GNAS: variants seen among roughly 807,000 people sequenced by gnomAD.
GNAS encodes the protein GNAS complex locus.
Under a neutral mutation model 54.5 loss-of-function variants are expected in GNAS, and 8 were observed. That is an observed-to-expected ratio of 0.15 (90% confidence interval 0.09 to 0.26). The LOEUF (loss-of-function observed/expected upper bound fraction) is 0.26. Among genes scored for constraint, GNAS ranks in the 10% least tolerant of loss-of-function variants. The probability of loss-of-function intolerance (pLI) is 1.00; values close to 1 mark genes in which losing one functional copy is unlikely to be tolerated. For synonymous variants in GNAS, 204 were observed against 191.4 expected (o/e 1.07, Z -0.54); for missense variants, 170 against 529.8 (o/e 0.32, Z 6.67).
chr20:58,853,232 C>T lies in GNAS; in HGVS notation c.43+12346C>T. ...CGGTTGGGTGCTCCATCTTACGGAG[C>T]CCCAAACTTATTTTGAGAGGCCGCC... On this transcript the variant is annotated intron_variant, in intron 1 of 12. Transcript: ENST00000306090. The surrounding 1 kb of genome is among the most constrained non-coding windows in gnomAD (Gnocchi z 4.4). 2 of 1,516,394 alleles carry T rather than the reference C, an allele frequency of 1.3e-6. No individual in the cohort carries two copies. The highest frequency in any genetic ancestry group is 1.4e-5 in the African/African-American group (1 of 71,666). 93.9% of individuals were successfully genotyped at this position (1,516,394 alleles called of 1,614,324 possible).
chr20:58,842,062 G>GGAGGC (rs955646200), intron 1 of GNAS: 57 of 456,494 alleles, frequency 1.2e-4, no homozygotes, highest in Non-Finnish European at 1.8e-4. Flanking sequence ...CTTGGGGAGG[G>GGAGGC]GAGGCGAGGC....
At chr20:58,842,220 G>A (rs376640570) in intron 1 of GNAS, 1 of 398,428 alleles carries the variant, frequency 2.5e-6, no homozygotes, top group East Asian at 3.6e-5. Context: ...GCCAGTCCTG[G>A]GGGGAAAGAC....
At chr20:58,901,270 T>C (rs1203115521) in intron 3 of GNAS, among the ~76,000 whole-genome samples, 5 of 152,174 alleles carry the variant, frequency 3.3e-5, no homozygotes, top group Non-Finnish European at 5.9e-5. Flanking sequence ...TTATAACATC[T>C]AAATAATCGA....
At chr20:58,884,774 TTAAA>T (rs2088476154) in intron 1 of GNAS, 1 of 152,232 alleles carries the variant, frequency 6.6e-6, no homozygotes, top group Admixed American at 6.5e-5. Flanking sequence ...GGCAAAACTC[TTAAA>T]TATTTTTTTC....
In GNAS at chr20:58,853,156, C is replaced by T. The variant is rs937298477; in HGVS notation, c.43+12270C>T. 7.0e-7 allele frequency: 1 copy of T among 1,437,564 alleles called. No homozygotes were observed. The highest frequency in any genetic ancestry group is 9.1e-7 in the Non-Finnish European group (1 of 1,099,570). The allele number at this position is 1,437,564 out of a possible 1,614,324, so 89.1% of individuals were successfully genotyped here. On this transcript the variant is annotated intron_variant, in intron 1 of 12. Transcript: ENST00000306090. The surrounding 1 kb of genome is among the most constrained non-coding windows in gnomAD (Gnocchi z 4.4). ...TGGAAAGTGAGGCCGGTGAACTTTC[C>T]AGCTGGTACTTTGATTTTAAAATAA...
At position 58,891,609 on chromosome 20, in the gene GNAS, G is replaced by A. The variant is rs1600971205; in HGVS notation, c.-118G>A. The A allele has an allele frequency of 2.1e-6, 2 of 970,688 alleles. No homozygotes were observed. Among genetic ancestry groups the A allele is most frequent in the Non-Finnish European group, 2.4e-6 (2 of 822,598 alleles). 60.1% of individuals were successfully genotyped at this position (970,688 alleles called of 1,614,324 possible). ...CGCCCCGCGCGCTCCTTGCCGAGGA[G>A]CCGAGCCCGCGCCCGGCCCGCCCGC... On this transcript the variant is annotated 5_prime_UTR_variant, in exon 1 of 13. Coordinates refer to ENST00000371085, the MANE Select transcript of GNAS (RefSeq NM_000516.7).
intron 1 of GNAS, among the ~76,000 whole-genome samples, chr20:58,871,779 AAAAAG>A (rs1449750543): frequency 1.3e-5 from 2 of 152,058 alleles, no homozygotes; most frequent in Non-Finnish European, 2.9e-5. Flanking sequence ...GAAGAAAAGA[AAAAAG>A]AAAAGAGTGC....
chr20:58,894,344 T>C (rs2089832437), intron 1 of GNAS, among the ~76,000 whole-genome samples: 1 of 152,228 alleles, frequency 6.6e-6, no homozygotes, highest in Non-Finnish European at 1.5e-5. Context: ...TATTTTTAAT[T>C]TACCAGAGTT....
chr20:58,894,079 T>C (rs2089798863), intron 1 of GNAS, among the ~76,000 whole-genome samples: 1 of 152,244 alleles, frequency 6.6e-6, no homozygotes, highest in African/African-American at 2.4e-5. Context: ...AGAGGAAACC[T>C]AATAATGCCC....
At chr20:58,892,525 G>T (rs368144636) in intron 1 of GNAS, 1 of 143,526 alleles carries the variant, frequency 7.0e-6, no homozygotes, top group African/African-American at 2.6e-5. Flanking sequence ...GGTGCAGTGG[G>T]GGGGAGGGGG....
At position 58,873,038 on chromosome 20, in the gene GNAS, CAGG is replaced by C. The variant is rs2087571922; in HGVS notation, c.44-22568_44-22566del. Among the ~76,000 whole-genome samples, 1 of 152,212 alleles carries C rather than the reference CAGG, an allele frequency of 6.6e-6. No individual in the cohort carries two copies. The highest frequency in any genetic ancestry group is 6.5e-5 in the Admixed American group (1 of 15,288). On this transcript the variant is annotated intron_variant, in intron 1 of 12. Coordinates refer to the GNAS transcript ENST00000306090. This position sits in a 1 kb window ranked among gnomAD's most constrained non-coding sequence, Gnocchi z 4.3. ...TCTCAAGGCGTTAGCCTCATCCCAT[CAGG>C]AGGAGTTCAGACTCTCCCCAAGCAC...
Position 58,909,302 on chromosome 20 carries a change from T to C in GNAS, c.586-48T>C, listed in dbSNP as rs1481198470. The C allele has an allele frequency of 4.4e-6, 7 of 1,587,212 alleles. 1 individual carries two copies. The highest frequency in any genetic ancestry group is 5.2e-6 in the Non-Finnish European group (6 of 1,155,538). ...TTTGCTTTAGATTGGCAATTATTACTGTTTCGGTTGGCTTTGGTGAGATCC... is the reference window on the plus strand; with the variant it reads ...TTTGCTTTAGATTGGCAATTATTACCGTTTCGGTTGGCTTTGGTGAGATCC... On this transcript the variant is annotated intron_variant, in intron 7 of 12. Transcript: ENST00000371085. The surrounding 1 kb of genome is among the most constrained non-coding windows in gnomAD (Gnocchi z 7.3).
chr20:58,867,949 C>T (rs890089011), intron 1 of GNAS, among the ~76,000 whole-genome samples: 1 of 151,970 alleles, frequency 6.6e-6, no homozygotes, highest in African/African-American at 2.4e-5. Context: ...ATCCAAAAGG[C>T]TTGCAGGCAT....
rs1848499120 is a variant in GNAS, at chr20:58,841,021, G to A, written c.43+135G>A. On this transcript the variant is annotated intron_variant, in intron 1 of 12. Coordinates refer to the GNAS transcript ENST00000306090. This position sits in a 1 kb window ranked among gnomAD's most constrained non-coding sequence, Gnocchi z 5.0. ...GCTCAGCTGGTCAGCCTGGGATCGG[G>A]GGTCAGGGTGAGGCGGCGAGGGCTC... The A allele has an allele frequency of 2.9e-6, 3 of 1,040,418 alleles. No homozygotes were observed. The highest frequency in any genetic ancestry group is 4.2e-6 in the Non-Finnish European group (3 of 711,128). The allele number at this position is 1,040,418 out of a possible 1,614,324, so 64.4% of individuals were successfully genotyped here.
In GNAS at chr20:58,853,679, C is replaced by A; in HGVS notation, c.43+12793C>A. ...GCCTTGAGGCCTTCGGCCCAGCACT[C>A]ATGGAGCCCGGAGCCTTCAGTGGTG... On this transcript the variant is annotated intron_variant, in intron 1 of 12. Transcript: ENST00000306090. This position sits in a 1 kb window ranked among gnomAD's most constrained non-coding sequence, Gnocchi z 4.4. 4 of 1,613,688 alleles carry A rather than the reference C, an allele frequency of 2.5e-6. No homozygotes were observed. The highest frequency in any genetic ancestry group is 3.4e-6 in the Non-Finnish European group (4 of 1,179,838).
intron 1 of GNAS, among the ~76,000 whole-genome samples, chr20:58,880,272 C>T (rs771641907): frequency 3.9e-5 from 6 of 152,142 alleles, no homozygotes; most frequent in Non-Finnish European, 8.8e-5. Flanking sequence ...GATATGACCC[C>T]CAGATGCTGT....
chr20:58,894,972 T>G (rs1308124813), intron 1 of GNAS, among the ~76,000 whole-genome samples: 1 of 152,156 alleles, frequency 6.6e-6, no homozygotes, highest in Non-Finnish European at 1.5e-5. Flanking sequence ...AAAGATATAG[T>G]TTGTGAGGAA....
chr20:58,881,357 T>C (rs1420682769), intron 1 of GNAS, among the ~76,000 whole-genome samples: 5 of 152,240 alleles, frequency 3.3e-5, no homozygotes, highest in Admixed American at 1.3e-4. Flanking sequence ...CTTTGTATGG[T>C]TGAGCTATTT....
chr20:58,891,139 G>A (rs896088957), upstream of GNAS, among the ~76,000 whole-genome samples: 21 of 148,344 alleles, frequency 1.4e-4, no homozygotes, highest in African/African-American at 4.9e-4. Flanking sequence ...GGGGTGGGGG[G>A]CGTCTCCCCG....
Sources: allele counts gnomAD v4.1 joint callset (sites outside exome capture counted in the v4.1 genomes callset), GRCh38; gene constraint gnomAD v4.1.1; non-coding constraint Gnocchi (gnomAD v3.1); transcripts MANE v1.5; gene names NCBI Gene and HGNC (gene_info 2026-07-23, HGNC 2026-07-21).